Variants in ANO4 observed in about 807,000 individuals in gnomAD.
The protein encoded by ANO4 is anoctamin 4.
In ANO4, 69 loss-of-function variants were observed where a neutral mutation model predicts 141.9. The observed-to-expected ratio is 0.49, with a 90% CI of 0.40 to 0.59. The LOEUF (loss-of-function observed/expected upper bound fraction) is 0.59, where lower values mean the gene tolerates loss of function less well. Among genes scored for constraint, ANO4 ranks in the 20% least tolerant of loss-of-function variants. ANO4 has a pLI of 0.00. For missense variants in ANO4, 894 were observed against 1,162.2 expected, an observed-to-expected ratio of 0.77 and a Z score of 3.36; for synonymous variants, 350 against 394.3, an observed-to-expected ratio of 0.89 and a Z score of 1.33.
intron 22 of ANO4, among the ~76,000 whole-genome samples, chr12:101,108,557 G>C (rs2050539430): frequency 6.6e-6 from 1 of 152,090 alleles, no homozygotes; most frequent in Admixed American, 6.6e-5. Flanking sequence ...AACAATGCCT[G>C]TTTTTACATA....
At chr12:100,741,524 T>C (rs1012538464) in intron 3 of ANO4, among the ~76,000 whole-genome samples, 1 of 152,280 alleles carries the variant, frequency 6.6e-6, no homozygotes, top group East Asian at 1.9e-4. Context: ...TTTTGATTCC[T>C]GCGGTTCACA....
rs574736890 is a variant in ANO4 at position 101,080,887 on chromosome 12, AT to A, written c.1395+1613del. ...CTAGATATATATATATATATATTAT[AT>A]ATATATATATATACATACACATATA... On this transcript the variant is annotated intron_variant, in intron 15 of 27. Transcript: ENST00000392977. 4.6e-3 allele frequency among the ~76,000 whole-genome samples: 625 copies of A among 134,470 alleles called. 18 individuals are homozygous for A. Among genetic ancestry groups the A allele is most frequent in the African/African-American group, 0.016 (604 of 37,308 alleles). 88.2% of individuals were successfully genotyped at this position (134,470 alleles called of 152,430 possible).
chr12:101,045,617 A>G (rs904016519), intron 13 of ANO4, among the ~76,000 whole-genome samples: 8 of 152,198 alleles, frequency 5.3e-5, no homozygotes, highest in South Asian at 2.1e-4. Context: ...TGTATCCTTG[A>G]CTCTTGTGTT....
At chr12:100,915,561 A>G (rs1265565345) in intron 2 of ANO4, among the ~76,000 whole-genome samples, 3 of 152,150 alleles carry the variant, frequency 2.0e-5, no homozygotes, top group East Asian at 3.9e-4. Flanking sequence ...TTTGGTTTCA[A>G]TATGAAGTAA....
intron 3 of ANO4, among the ~76,000 whole-genome samples, chr12:100,760,734 T>G (rs993349285): frequency 6.6e-6 from 1 of 152,192 alleles, no homozygotes; most frequent in Non-Finnish European, 1.5e-5. Context: ...CAGCTCCTCT[T>G]CTGTTCTGCA....
intron 5 of ANO4, among the ~76,000 whole-genome samples, chr12:100,959,688 C>T (rs1422590087): frequency 6.6e-6 from 1 of 152,208 alleles, no homozygotes; most frequent in Non-Finnish European, 1.5e-5. Context: ...AAACATGCTT[C>T]TCTTGGCTTT....
intron 1 of ANO4, among the ~76,000 whole-genome samples, chr12:100,860,414 G>A (rs1365630707): frequency 6.6e-6 from 1 of 152,176 alleles, no homozygotes. Flanking sequence ...CCTTGGTCCA[G>A]TGAAAGCTTC....
rs1407640554 is a variant in ANO4, at chr12:101,035,664, A to G, written c.842-1431A>G. 2.0e-5 allele frequency among the ~76,000 whole-genome samples: 3 copies of G among 152,220 alleles called. 1 individual carries two copies. The highest frequency in any genetic ancestry group is 2.1e-4 in the South Asian group (1 of 4,836). ...CAATGCAGAGGCATTAGGTTTGTCC[A>G]TAATGAAGCTTCTGAATGAAAATAG... is the stretch of plus-strand genomic sequence containing the variant. On this transcript the variant is annotated intron_variant, in intron 9 of 27. Coordinates refer to ENST00000392977, the MANE Select transcript of ANO4 (RefSeq NM_001286615.2).
chr12:100,883,916 G>A lies in ANO4; in HGVS notation c.-140-17730G>A, dbSNP rs115844054. On this transcript the variant is annotated intron_variant, in intron 1 of 27. Coordinates refer to ENST00000392977, the MANE Select transcript of ANO4 (RefSeq NM_001286615.2). ...GAACACAATTTTTAAATATTTTAAG[G>A]CATTTCAAATGGGCCTTAAAATACA... Among the ~76,000 whole-genome samples, 1,497 of 152,210 alleles carry A rather than the reference G, an allele frequency of 9.8e-3. 24 individuals carry two copies. Among genetic ancestry groups the A allele is most frequent in the African/African-American group, 0.033 (1,366 of 41,534 alleles).
chr12:100,727,747 C>T (rs1406134411), intron 1 of ANO4, among the ~76,000 whole-genome samples: 1 of 152,000 alleles, frequency 6.6e-6, no homozygotes, highest in Non-Finnish European at 1.5e-5. Context: ...GACTTTCCCC[C>T]TCATTTATTT....
At chr12:100,720,952 T>C (rs2030837514) in intron 1 of ANO4, among the ~76,000 whole-genome samples, 1 of 152,192 alleles carries the variant, frequency 6.6e-6, no homozygotes, top group African/African-American at 2.4e-5. Flanking sequence ...TAATGAGAGC[T>C]AAGCCTAACT....
rs149914660 is a variant in ANO4 at position 100,996,832 on chromosome 12, A to C, written c.734+9162A>C. ...GCAGAAAAGGCAGCAAGTTAAAGCCAGTAGTGATCAGCCAATCAAACAGTG... is the reference window on the plus strand; with the variant it reads ...GCAGAAAAGGCAGCAAGTTAAAGCCCGTAGTGATCAGCCAATCAAACAGTG... On this transcript the variant is annotated intron_variant, in intron 8 of 27. Coordinates refer to ENST00000392977, the MANE Select transcript of ANO4 (RefSeq NM_001286615.2). 3.9e-3 allele frequency among the ~76,000 whole-genome samples: 599 copies of C among 152,336 alleles called. 6 individuals are homozygous for C. The highest frequency in any genetic ancestry group is 0.014 in the African/African-American group (564 of 41,582).
intron 3 of ANO4, among the ~76,000 whole-genome samples, chr12:100,926,503 C>G (rs879285945): frequency 1.3e-5 from 2 of 152,010 alleles, no homozygotes; most frequent in African/African-American, 4.8e-5. Context: ...AAAATGAAAA[C>G]GTTTTCAGAT....
chr12:100,991,584 C>T (rs1266944784), intron 8 of ANO4, among the ~76,000 whole-genome samples: 1 of 150,198 alleles, frequency 6.7e-6, no homozygotes, highest in Non-Finnish European at 1.5e-5. Flanking sequence ...ACATTTCCCA[C>T]TGAAAAACCT....
At chr12:101,053,072 A>T (rs887444055) in intron 14 of ANO4, among the ~76,000 whole-genome samples, 1 of 152,236 alleles carries the variant, frequency 6.6e-6, no homozygotes, top group Non-Finnish European at 1.5e-5. Context: ...AATGAGTTAG[A>T]TGTGATCTCT....
intron 17 of ANO4, among the ~76,000 whole-genome samples, chr12:101,089,271 A>G (rs1345883289): frequency 6.6e-6 from 1 of 152,170 alleles, no homozygotes; most frequent in African/African-American, 2.4e-5. Context: ...TCAATGAGCT[A>G]ATTAAATGCA....
intron 8 of ANO4, among the ~76,000 whole-genome samples, chr12:100,999,573 A>G (rs577006062): frequency 1.3e-5 from 2 of 152,312 alleles, no homozygotes; most frequent in South Asian, 4.1e-4. Context: ...GGATGTGGAT[A>G]TCTTTGGAGG....
intron 14 of ANO4, among the ~76,000 whole-genome samples, chr12:101,077,143 T>C (rs888191547): frequency 6.6e-6 from 1 of 152,214 alleles, no homozygotes; most frequent in Non-Finnish European, 1.5e-5. Flanking sequence ...GGTGCCTATG[T>C]GACCAGCCCC....
intron 6 of ANO4, among the ~76,000 whole-genome samples, chr12:100,974,354 A>T (rs1264481586): frequency 6.6e-6 from 1 of 151,764 alleles, no homozygotes; most frequent in Non-Finnish European, 1.5e-5. Flanking sequence ...TGAAATACAT[A>T]TATATATATT....
Sources: allele counts gnomAD v4.1 joint callset (sites outside exome capture counted in the v4.1 genomes callset), GRCh38; gene constraint gnomAD v4.1.1; transcripts MANE v1.5; gene names NCBI Gene and HGNC (gene_info 2026-07-23, HGNC 2026-07-21).